Variants in SLC35E1 observed in about 807,000 individuals in gnomAD.
SLC35E1 encodes the protein solute carrier family 35, member E1.
A neutral mutation model predicts 31.0 loss-of-function variants in SLC35E1; 12 were observed. The ratio of observed to expected loss-of-function variants is 0.39; its 90% confidence interval spans 0.25 to 0.63. The LOEUF is 0.63. SLC35E1 is among the 20% of genes least tolerant of loss of function. The pLI is 0.52. For missense variants in SLC35E1, 429 were observed against 572.2 expected, an observed-to-expected ratio of 0.75 and a Z score of 2.55; for synonymous variants, 257 against 264.1, an observed-to-expected ratio of 0.97 and a Z score of 0.26.
rs1194595309 is a variant in SLC35E1, at chr19:16,555,321, A to G, written c.833T>C (p.Ile278Thr). 2.5e-6 allele frequency: 4 copies of G among 1,614,058 alleles called. No homozygotes were observed. The highest frequency in any genetic ancestry group is 2.2e-5 in the East Asian group (1 of 44,898). The change falls in exon 5 of 6, where the codon ATC (isoleucine) becomes ACC (threonine). Residue 278 changes from isoleucine to threonine, a missense_variant. By Grantham distance (89) the Ile-to-Thr change is moderately conservative. Coordinates refer to ENST00000595753, the MANE Select transcript of SLC35E1 (RefSeq NM_024881.5). This position sits in a 1 kb window ranked among gnomAD's most constrained non-coding sequence, Gnocchi z 4.1. ...AACGAGGTTGAGGATGCTGAAGGCG[A>G]TAACATTCTGGGCAAAGTTACAGAA... ...SGFCNFAQNVIAFSILNLVSP... is the reference protein window; with the variant it reads ...SGFCNFAQNVTAFSILNLVSP...
At chr19:16,556,346 A>G (rs78081516) in intron 4 of SLC35E1, among the ~76,000 whole-genome samples, 2 of 147,552 alleles carry the variant, frequency 1.4e-5, no homozygotes, top group Admixed American at 6.8e-5. Context: ...TGTCTCTACA[A>G]AAAAAAAAAA....
At chr19:16,561,577 C>T (rs1025410449) in intron 4 of SLC35E1, among the ~76,000 whole-genome samples, 3 of 152,204 alleles carry the variant, frequency 2.0e-5, no homozygotes, top group Non-Finnish European at 4.4e-5. Context: ...TAGGAATCCC[C>T]GCCTGTCTTT....
intron 4 of SLC35E1, among the ~76,000 whole-genome samples, chr19:16,562,643 T>C (rs1197001216): frequency 6.6e-6 from 1 of 152,070 alleles, no homozygotes; most frequent in African/African-American, 2.4e-5. Flanking sequence ...TTCTACCATA[T>C]ATTTTCAATT....
chr19:16,553,746 GTT>G lies in SLC35E1; in HGVS notation c.1164_1165del (p.Leu388PhefsTer21), dbSNP rs1048971676. On this transcript the variant is annotated frameshift_variant, in exon 6 of 6. Coordinates refer to ENST00000595753, the MANE Select transcript of SLC35E1 (RefSeq NM_024881.5). LOFTEE classifies it high-confidence loss of function. ...CTGCCGGCTGTATTGGAAGTGGTCT[GTT>G]AAGATGTTGTTGCGGCCGTACTGAT... is the stretch of plus-strand genomic sequence containing the variant. The G allele has an allele frequency of 6.2e-7, 1 of 1,611,528 alleles. No homozygotes were observed. The highest frequency in any genetic ancestry group is 1.3e-5 in the African/African-American group (1 of 74,986).
rs1160225787 is a variant in SLC35E1, at chr19:16,550,644, A to G, written c.*3035T>C. On this transcript the variant is annotated 3_prime_UTR_variant, in exon 6 of 6. Coordinates refer to ENST00000595753, the MANE Select transcript of SLC35E1 (RefSeq NM_024881.5). ...CTACTCGGGAGGCTGAGGCACGAGAATCACCTGAACCCGGGGGATGGAGGT... is the reference window on the plus strand; with the variant it reads ...CTACTCGGGAGGCTGAGGCACGAGAGTCACCTGAACCCGGGGGATGGAGGT... 6.6e-6 allele frequency: 1 copy of G among 152,358 alleles called. No individual in the cohort carries two copies. The highest frequency in any genetic ancestry group is 1.9e-4 in the East Asian group (1 of 5,202). 9.4% of individuals were successfully genotyped at this position (152,358 alleles called of 1,614,324 possible).
rs1191436033 is a variant in SLC35E1, at chr19:16,572,179, C to G, written c.186G>C (p.Ser62=). The change falls in exon 1 of 6, where the codon TCG becomes TCC. Residue 62 remains serine, a synonymous_variant. Transcript: ENST00000595753. The surrounding 1 kb of genome is among the most constrained non-coding windows in gnomAD (Gnocchi z 4.1). ...CGCACAGAGCCAGGATGTGGCACAG[C>G]GACACGGTCACCGGGAACGGGAAGG... ...LSAFPFPVTV[S]LCHILALCAG... is the part of the protein sequence containing the mutation. The G allele has an allele frequency of 6.5e-7, 1 of 1,531,716 alleles. No individual in the cohort carries two copies. The allele number at this position is 1,531,716 out of a possible 1,614,324, so 94.9% of individuals were successfully genotyped here. A position where few individuals can be genotyped will look rare whatever the true frequency, so the allele number is the denominator to read the frequency against.
chr19:16,572,112 C>T lies in SLC35E1; in HGVS notation c.253G>A (p.Ala85Thr), dbSNP rs1568276177. 17 of 1,511,376 alleles carry T rather than the reference C, an allele frequency of 1.1e-5. 1 individual carries two copies. In the South Asian group the frequency reaches 1.7e-4, roughly 16 times the overall value. 93.6% of individuals were successfully genotyped at this position (1,511,376 alleles called of 1,614,324 possible). A position where few individuals can be genotyped will look rare whatever the true frequency, so the allele number is the denominator to read the frequency against. ...PLLRAWRVPP[A>T]PPVSGPGPSP... ...GGTCCGGGGCCCGAGACGGGCGGCG[C>T]GGGGGGCACGCGCCAGGCGCGCAGC... Residue 85 changes from alanine to threonine, a missense_variant, in exon 1 of 6, where the codon GCG (alanine) becomes ACG (threonine). Transcript: ENST00000595753. The surrounding 1 kb of genome is among the most constrained non-coding windows in gnomAD (Gnocchi z 4.1).
chr19:16,552,618 C>A lies in SLC35E1; in HGVS notation c.*1061G>T, dbSNP rs929498426. 1.3e-5 allele frequency: 2 copies of A among 152,362 alleles called. No individual in the cohort carries two copies. Among genetic ancestry groups the A allele is most frequent in the Middle Eastern group, 6.8e-3 (2 of 294 alleles). The allele number at this position is 152,362 out of a possible 1,614,324, so 9.4% of individuals were successfully genotyped here. A position where few individuals can be genotyped will look rare whatever the true frequency, so the allele number is the denominator to read the frequency against. ...AAAGTGCTGGGATTACAGGTGTGAGCCACTGTGCCTGGCCGGGGAACTTTG... is the reference window on the plus strand; with the variant it reads ...AAAGTGCTGGGATTACAGGTGTGAGACACTGTGCCTGGCCGGGGAACTTTG... On this transcript the variant is annotated 3_prime_UTR_variant, in exon 6 of 6. Coordinates refer to ENST00000595753, the MANE Select transcript of SLC35E1 (RefSeq NM_024881.5).
At chr19:16,560,477 G>A (rs1172599406) in intron 4 of SLC35E1, among the ~76,000 whole-genome samples, 1 of 152,166 alleles carries the variant, frequency 6.6e-6, no homozygotes, top group Admixed American at 6.5e-5. Context: ...AGGGTTTTAG[G>A]TGGCTGTGGA....
intron 2 of SLC35E1, among the ~76,000 whole-genome samples, chr19:16,568,729 C>T (rs542144635): frequency 5.3e-5 from 8 of 152,294 alleles, no homozygotes; most frequent in African/African-American, 1.7e-4. Context: ...GACAGGATTT[C>T]GCCATGTTAG....
intron 4 of SLC35E1, among the ~76,000 whole-genome samples, chr19:16,562,659 T>C (rs2085913104): frequency 1.3e-5 from 2 of 152,170 alleles, no homozygotes; most frequent in Non-Finnish European, 2.9e-5. Flanking sequence ...CAATTCGCAG[T>C]TGGCTGAATC....
chr19:16,571,333 C>T (rs1406102960), intron 2 of SLC35E1, among the ~76,000 whole-genome samples, 179 bp downstream of exon 2: 1 of 152,198 alleles, frequency 6.6e-6, no homozygotes, highest in African/African-American at 2.4e-5. Context: ...CACACCACTG[C>T]TCACAGGGTG....
Position 16,551,277 on chromosome 19 carries a change from G to A in SLC35E1, c.*2402C>T. ...GTATTTACAAAGCAAGCGAACAAGAGACGAAGCAAGAGGGACACTTCTGAG... is the reference window on the plus strand; with the variant it reads ...GTATTTACAAAGCAAGCGAACAAGAAACGAAGCAAGAGGGACACTTCTGAG... On this transcript the variant is annotated 3_prime_UTR_variant, in exon 6 of 6. Coordinates refer to ENST00000595753, the MANE Select transcript of SLC35E1 (RefSeq NM_024881.5). 6.6e-6 allele frequency: 1 copy of A among 152,198 alleles called. No individual in the cohort carries two copies. Among genetic ancestry groups the A allele is most frequent in the East Asian group, 1.9e-4 (1 of 5,194 alleles). The allele number at this position is 152,198 out of a possible 1,614,324, so 9.4% of individuals were successfully genotyped here. A position where few individuals can be genotyped will look rare whatever the true frequency, so the allele number is the denominator to read the frequency against.
At chr19:16,561,298 G>A (rs2085905626) in intron 4 of SLC35E1, among the ~76,000 whole-genome samples, 1 of 150,362 alleles carries the variant, frequency 6.7e-6, no homozygotes, top group South Asian at 2.1e-4. Flanking sequence ...CTCTCTGAGG[G>A]TTAGGAGTCT....
intron 1 of SLC35E1, 72 bp from the exon 2 acceptor site, chr19:16,571,654 G>A (rs1452534102): frequency 6.6e-7 from 1 of 1,517,688 alleles, no homozygotes; most frequent in African/African-American, 1.4e-5. Context: ...CCTCCACGGC[G>A]GGATGGGAGG....
At chr19:16,560,872 A>C (rs1323596321) in intron 4 of SLC35E1, among the ~76,000 whole-genome samples, 2 of 144,572 alleles carry the variant, frequency 1.4e-5, no homozygotes, top group African/African-American at 5.1e-5. Context: ...AAAAACAAAA[A>C]AAAAAAACCA....
rs1287119802 is a variant in SLC35E1, at chr19:16,555,730, G to A, written c.757-333C>T. The A allele has an allele frequency of 4.3e-5, 14 of 324,486 alleles. No homozygotes were observed. The Admixed American group carries it at 6.4e-4, about 15-fold the overall frequency. 20.1% of individuals were successfully genotyped at this position (324,486 alleles called of 1,614,324 possible). On this transcript the variant is annotated intron_variant, in intron 4 of 5. Coordinates refer to ENST00000595753, the MANE Select transcript of SLC35E1 (RefSeq NM_024881.5). This position sits in a 1 kb window ranked among gnomAD's most constrained non-coding sequence, Gnocchi z 4.1. Reference sequence around the variant, plus strand: ...CAGGAACCCTGGGTTTGGCAAAGCAGGGATCTGCTTGTTGGACGCAATGCA... The same window carrying A: ...CAGGAACCCTGGGTTTGGCAAAGCAAGGATCTGCTTGTTGGACGCAATGCA...
At chr19:16,556,543 G>C (rs749247590) in intron 4 of SLC35E1, among the ~76,000 whole-genome samples, 1 of 152,156 alleles carries the variant, frequency 6.6e-6, no homozygotes, top group Non-Finnish European at 1.5e-5. Flanking sequence ...ATCTGACCCT[G>C]ACCAGAATGA....
At chr19:16,556,475 C>T (rs1011851984) in intron 4 of SLC35E1, among the ~76,000 whole-genome samples, 2 of 152,156 alleles carry the variant, frequency 1.3e-5, no homozygotes, top group African/African-American at 4.8e-5. Flanking sequence ...CGCCATAGCA[C>T]CCCAGCCTGG....
Sources: allele counts gnomAD v4.1 joint callset (sites outside exome capture counted in the v4.1 genomes callset), GRCh38; gene constraint gnomAD v4.1.1; non-coding constraint Gnocchi (gnomAD v3.1); transcripts MANE v1.5; gene names NCBI Gene and HGNC (gene_info 2026-07-23, HGNC 2026-07-21).